Variants in ALCAM observed in about 807,000 individuals in gnomAD.
ALCAM encodes the protein CD166 antigen.
In ALCAM, 30 loss-of-function variants were observed where a neutral mutation model predicts 70.9. That is an observed-to-expected ratio of 0.42 (90% CI 0.32 to 0.57). ALCAM has a LOEUF of 0.57. ALCAM is among the 20% of genes least tolerant of loss of function. The pLI is 0.11. For missense variants in ALCAM, 591 were observed against 695.1 expected, an observed-to-expected ratio of 0.85 and a Z score of 1.68; for synonymous variants, 249 against 242.5, an observed-to-expected ratio of 1.03 and a Z score of -0.25.
Position 105,368,048 on chromosome 3 carries a change from C to G in ALCAM, c.73+567C>G, listed in dbSNP as rs988212610. On this transcript the variant is annotated intron_variant, in intron 1 of 15. Transcript: ENST00000306107. Reference sequence around the variant, plus strand: ...AAAATCGTGGTTTCAACGTTACCCCCTGCGGTCCCCGTCCATTGTCTGGGC... The same window carrying G: ...AAAATCGTGGTTTCAACGTTACCCCGTGCGGTCCCCGTCCATTGTCTGGGC... Among the ~76,000 whole-genome samples the G allele has an allele frequency of 3.9e-5, 6 of 151,972 alleles. No homozygotes were observed. The South Asian group carries it at 1.2e-3, about 32-fold the overall frequency.
At chr3:105,539,191 T>C (rs1940054355) in intron 6 of ALCAM, among the ~76,000 whole-genome samples, 1 of 152,150 alleles carries the variant, frequency 6.6e-6, no homozygotes, top group South Asian at 2.1e-4. Flanking sequence ...ACATAACAAA[T>C]GGATAGGTTA....
At chr3:105,570,212 G>A (rs1940831707) in intron 14 of ALCAM, among the ~76,000 whole-genome samples, 1 of 152,020 alleles carries the variant, frequency 6.6e-6, no homozygotes, top group Non-Finnish European at 1.5e-5. Flanking sequence ...TTTGAATATT[G>A]TAGTTAATAG....
intron 1 of ALCAM, among the ~76,000 whole-genome samples, chr3:105,452,587 C>T (rs1003469782): frequency 6.6e-6 from 1 of 152,142 alleles, no homozygotes; most frequent in Non-Finnish European, 1.5e-5. Flanking sequence ...TGGGTATATA[C>T]CCAGTAATGG....
intron 1 of ALCAM, among the ~76,000 whole-genome samples, chr3:105,439,899 G>A (rs1213272617): frequency 1.3e-5 from 2 of 152,156 alleles, no homozygotes; most frequent in Non-Finnish European, 2.9e-5. Context: ...TGTTACTGTT[G>A]TTGATATTTG....
At chr3:105,541,287 T>A (rs1940110159) in intron 7 of ALCAM, among the ~76,000 whole-genome samples, 1 of 151,842 alleles carries the variant, frequency 6.6e-6, no homozygotes. Flanking sequence ...TATTTCCTTT[T>A]AAGCTGCCTC....
intron 1 of ALCAM, among the ~76,000 whole-genome samples, chr3:105,420,820 CA>C (rs1936630907): frequency 6.6e-6 from 1 of 151,114 alleles, no homozygotes; most frequent in Non-Finnish European, 1.5e-5. Context: ...GCTATGGGAA[CA>C]AAAATGAGTG....
intron 1 of ALCAM, among the ~76,000 whole-genome samples, chr3:105,472,842 G>A (rs1408842956): frequency 6.6e-6 from 1 of 151,278 alleles, no homozygotes; most frequent in East Asian, 1.9e-4. Context: ...TTTCTTATCT[G>A]CAAAATAAGG....
At chr3:105,547,010 A>G (rs1940265779) in intron 9 of ALCAM, 139 bp from the exon 10 acceptor site, 2 of 619,038 alleles carry the variant, frequency 3.2e-6, no homozygotes, top group African/African-American at 3.8e-5. Flanking sequence ...ATCTATTTTG[A>G]AAGCATCTGA....
chr3:105,540,798 T>C (rs1458879120), intron 7 of ALCAM, among the ~76,000 whole-genome samples: 1 of 151,992 alleles, frequency 6.6e-6, no homozygotes, highest in Non-Finnish European at 1.5e-5. Flanking sequence ...TACTGCAGGG[T>C]TGTGCTTACA....
At chr3:105,480,964 T>G (rs1938254361) in intron 1 of ALCAM, among the ~76,000 whole-genome samples, 1 of 152,136 alleles carries the variant, frequency 6.6e-6, no homozygotes, top group African/African-American at 2.4e-5. Context: ...ATTGATGAGA[T>G]TCTGTTCCGG....
intron 1 of ALCAM, among the ~76,000 whole-genome samples, chr3:105,433,994 A>G (rs1936995259): frequency 6.6e-6 from 1 of 152,126 alleles, no homozygotes; most frequent in Non-Finnish European, 1.5e-5. Flanking sequence ...CCCCCAAAAC[A>G]TCACTTATTT....
intron 1 of ALCAM, among the ~76,000 whole-genome samples, chr3:105,480,073 T>G (rs570025214): frequency 2.8e-4 from 43 of 152,310 alleles, no homozygotes; most frequent in African/African-American, 9.1e-4. Context: ...AACACACAGT[T>G]GAAATAAGAA....
chr3:105,476,233 C>T (rs942667051), intron 1 of ALCAM, among the ~76,000 whole-genome samples: 2 of 152,070 alleles, frequency 1.3e-5, no homozygotes, highest in African/African-American at 4.8e-5. Context: ...GCTGCTCACT[C>T]ATCTACCTAC....
chr3:105,402,938 C>CTTTT (rs58126212), intron 1 of ALCAM, among the ~76,000 whole-genome samples: 1 of 117,250 alleles, frequency 8.5e-6, no homozygotes, highest in African/African-American at 3.1e-5. Context: ...AGCTGATGCG[C>CTTTT]TTTTTTTTTT....
chr3:105,571,160 T>C (rs1219190125), intron 14 of ALCAM, among the ~76,000 whole-genome samples: 2 of 152,224 alleles, frequency 1.3e-5, no homozygotes, highest in African/African-American at 4.8e-5. Context: ...TGAGGAGTTG[T>C]TTAGCAGAGA....
At chr3:105,431,313 C>T (rs1245888023) in intron 1 of ALCAM, among the ~76,000 whole-genome samples, 1 of 152,034 alleles carries the variant, frequency 6.6e-6, no homozygotes, top group Non-Finnish European at 1.5e-5. Context: ...GGGCAGGGCT[C>T]ACTCATATGT....
intron 14 of ALCAM, among the ~76,000 whole-genome samples, chr3:105,561,391 C>T (rs1029991696): frequency 2.0e-5 from 3 of 152,090 alleles, no homozygotes; most frequent in Admixed American, 2.0e-4. Context: ...TTTTGGCACT[C>T]ATAGGCACCT....
At chr3:105,387,058 C>T (rs1935677567) in intron 1 of ALCAM, among the ~76,000 whole-genome samples, 1 of 151,494 alleles carries the variant, frequency 6.6e-6, no homozygotes, top group Admixed American at 6.6e-5. Context: ...CCACGTTATT[C>T]TCCAAATAGA....
intron 1 of ALCAM, among the ~76,000 whole-genome samples, chr3:105,375,400 CAT>C (rs1935349917): frequency 2.0e-5 from 3 of 152,136 alleles, no homozygotes; most frequent in Admixed American, 2.0e-4. Flanking sequence ...TAACCAAGTG[CAT>C]ATTTTTAACC....
Sources: allele counts gnomAD v4.1 joint callset (sites outside exome capture counted in the v4.1 genomes callset), GRCh38; gene constraint gnomAD v4.1.1; transcripts MANE v1.5; gene names NCBI Gene and HGNC (gene_info 2026-07-23, HGNC 2026-07-21).